The following KLHL8 variants were observed in gnomAD, a reference collection of about 807,000 sequenced individuals.
KLHL8 encodes kelch like family member 8.
KLHL8 carries 38 observed loss-of-function variants against 63.5 expected under a neutral mutation model. The observed-to-expected ratio is 0.60, with a 90% CI of 0.46 to 0.78. The LOEUF is 0.78. KLHL8 is among the 30% of genes least tolerant of loss of function. The pLI is 0.00. For synonymous variants in KLHL8, 224 were observed against 254.3 expected (o/e 0.88, Z 1.13); for missense variants, 566 against 752.4 (o/e 0.75, Z 2.90).
chr4:87,164,392 T>A (rs545053718), intron 8 of KLHL8, among the ~76,000 whole-genome samples: 15 of 152,108 alleles, frequency 9.9e-5, no homozygotes, highest in Middle Eastern at 3.4e-3. Flanking sequence ...AACACAAACA[T>A]TCATAAATTT....
chr4:87,195,993 A>G (rs1731681194), intron 1 of KLHL8, among the ~76,000 whole-genome samples: 1 of 151,982 alleles, frequency 6.6e-6, no homozygotes, highest in Non-Finnish European at 1.5e-5. Flanking sequence ...TTTAATTTTT[A>G]TTTTAGAGAT....
intron 3 of KLHL8, among the ~76,000 whole-genome samples, chr4:87,184,019 T>A (rs934301095): frequency 8.5e-5 from 13 of 152,184 alleles, no homozygotes; most frequent in African/African-American, 3.1e-4. Flanking sequence ...CAGGTAATGC[T>A]ATTTTGAGTT....
chr4:87,230,025 G>C (rs896561739), intron 1 of KLHL8, among the ~76,000 whole-genome samples: 2 of 152,116 alleles, frequency 1.3e-5, no homozygotes, highest in African/African-American at 2.4e-5. Flanking sequence ...CTCTCAGTCA[G>C]GTCACTGGCA....
At chr4:87,167,980 T>A (rs1251931798) in intron 8 of KLHL8, among the ~76,000 whole-genome samples, 1 of 152,204 alleles carries the variant, frequency 6.6e-6, no homozygotes, top group Admixed American at 6.5e-5. Flanking sequence ...GCCTAAAATA[T>A]GCTAACTTCT....
At chr4:87,221,448 A>G (rs1732847347), upstream of KLHL8, 1 of 151,242 alleles carries the variant, frequency 6.6e-6, no homozygotes, top group South Asian at 2.1e-4. Flanking sequence ...GTTGAAATGA[A>G]TTAATTTTTC....
At chr4:87,207,186 A>G (rs1266650445) in intron 1 of KLHL8, 1 of 572,298 alleles carries the variant, frequency 1.7e-6, no homozygotes, top group African/African-American at 1.9e-5. Flanking sequence ...GTCGCCATCA[A>G]TGACCGCTTC....
chr4:87,214,415 G>GAT (rs58112792), intron 1 of KLHL8, among the ~76,000 whole-genome samples: 2,851 of 91,796 alleles, frequency 0.031, 157 homozygotes, highest in Non-Finnish European at 0.046. Context: ...GCACATAACA[G>GAT]ATATATATAT....
At chr4:87,228,903 G>A (rs1309313448) in intron 1 of KLHL8, among the ~76,000 whole-genome samples, 2 of 152,174 alleles carry the variant, frequency 1.3e-5, no homozygotes, top group African/African-American at 4.8e-5. Flanking sequence ...TACCACCCAT[G>A]TACCCATAAT....
Position 87,185,399 on chromosome 4 carries a change from A to G in KLHL8, c.617T>C (p.Val206Ala), listed in dbSNP as rs1224774082. 2.5e-6 allele frequency: 4 copies of G among 1,614,212 alleles called. No individual in the cohort carries two copies. In the South Asian group the frequency reaches 4.4e-5, roughly 18 times the overall value. ...FTEVVECEDF[V>A]SVSPQHLHKL... ...ATGGAGGTGCTGCGGTGATACACTT[A>G]CAAAGTCTTCACACTCCACTACTTC... The change falls in exon 3 of 10, where the codon GTA (valine) becomes GCA (alanine). Residue 206 changes from valine to alanine, a missense_variant. Transcript: ENST00000273963.
chr4:87,169,024 G>C (rs1003626651), intron 8 of KLHL8, among the ~76,000 whole-genome samples: 1 of 151,540 alleles, frequency 6.6e-6, no homozygotes, highest in Non-Finnish European at 1.5e-5. Flanking sequence ...AAATACCTAG[G>C]CCAGGTGTGG....
chr4:87,220,961 A>G (rs1360744023), upstream of KLHL8: 4 of 152,112 alleles, frequency 2.6e-5, no homozygotes, highest in Non-Finnish European at 5.9e-5. Context: ...AAAGAAGGGG[A>G]AAAAAAGGTT....
intron 3 of KLHL8, among the ~76,000 whole-genome samples, chr4:87,184,861 T>C (rs916682300): frequency 2.0e-5 from 3 of 152,194 alleles, no homozygotes; most frequent in Non-Finnish European, 1.5e-5. Context: ...GGAATAACTA[T>C]ACTTTTATTA....
intron 1 of KLHL8, among the ~76,000 whole-genome samples, chr4:87,218,857 C>T (rs1027425486): frequency 6.6e-6 from 1 of 152,028 alleles, no homozygotes; most frequent in Non-Finnish European, 1.5e-5. Flanking sequence ...GTCTTAGCCT[C>T]TCGAGTAGCT....
intron 1 of KLHL8, chr4:87,207,374 A>T: frequency 1.5e-6 from 1 of 663,440 alleles, no homozygotes; most frequent in Non-Finnish European, 2.8e-6. Flanking sequence ...TACGTTGTGG[A>T]GTCCACTGGT....
rs1732197683 is a variant in KLHL8, at chr4:87,207,711, C to T, written c.-151-12021G>A. Reference sequence around the variant, plus strand: ...GGGCTCTCCAGAACATCATCCCTGCCTCTACTGGTGCTGCCAAGGCTGTGG... The same window carrying T: ...GGGCTCTCCAGAACATCATCCCTGCTTCTACTGGTGCTGCCAAGGCTGTGG... On this transcript the variant is annotated intron_variant, in intron 1 of 9. Transcript: ENST00000273963. 5 of 887,798 alleles carry T rather than the reference C, an allele frequency of 5.6e-6. No individual in the cohort carries two copies. In the East Asian group the frequency reaches 1.2e-4, roughly 22 times the overall value. The allele number at this position is 887,798 out of a possible 1,614,324, so 55.0% of individuals were successfully genotyped here. A position where few individuals can be genotyped will look rare whatever the true frequency, so the allele number is the denominator to read the frequency against.
At chr4:87,205,278 G>A (rs547853360) in intron 1 of KLHL8, among the ~76,000 whole-genome samples, 17 of 152,156 alleles carry the variant, frequency 1.1e-4, no homozygotes, top group African/African-American at 2.6e-4. Context: ...GTGGTGGCAC[G>A]CACCTGTAGT....
chr4:87,184,822 T>C (rs1731189754), intron 3 of KLHL8, among the ~76,000 whole-genome samples: 1 of 152,174 alleles, frequency 6.6e-6, no homozygotes. Flanking sequence ...TGTCCTATGG[T>C]TGTTTACATA....
At chr4:87,228,056 T>G (rs1733065044) in intron 1 of KLHL8, among the ~76,000 whole-genome samples, 1 of 152,078 alleles carries the variant, frequency 6.6e-6, no homozygotes, top group African/African-American at 2.4e-5. Context: ...TTCCAAAGCT[T>G]GGTGGAACTT....
chr4:87,189,241 T>G (rs908845342), intron 2 of KLHL8, among the ~76,000 whole-genome samples: 1 of 152,168 alleles, frequency 6.6e-6, no homozygotes, highest in South Asian at 2.1e-4. Flanking sequence ...CAAGAGTAGG[T>G]TGCAGTCTGT....
Sources: allele counts gnomAD v4.1 joint callset (sites outside exome capture counted in the v4.1 genomes callset), GRCh38; gene constraint gnomAD v4.1.1; transcripts MANE v1.5; gene names NCBI Gene and HGNC (gene_info 2026-07-23, HGNC 2026-07-21).